SERPINE2: variants seen among roughly 807,000 people sequenced by gnomAD.
SERPINE2 encodes the protein serpin family E member 2.
SERPINE2 carries 14 observed loss-of-function variants against 36.3 expected under a neutral mutation model. The observed-to-expected ratio is 0.39, with a 90% CI of 0.25 to 0.60. SERPINE2 has a LOEUF of 0.60. SERPINE2 is among the 20% of genes least tolerant of loss of function. The probability of loss-of-function intolerance (pLI) is 0.57; values close to 1 mark genes in which losing one functional copy is unlikely to be tolerated. For missense variants in SERPINE2, 418 were observed against 499.6 expected (o/e 0.84, Z 1.56); for synonymous variants, 192 against 191.8 (o/e 1.00, Z -0.01).
chr2:223,985,300 CTTTT>C (rs35920706), intron 4 of SERPINE2, among the ~76,000 whole-genome samples: 34 of 145,878 alleles, frequency 2.3e-4, no homozygotes, highest in Non-Finnish European at 2.9e-4. Flanking sequence ...AGAATCATTC[CTTTT>C]TTTTTTTTTT....
intron 1 of SERPINE2, chr2:224,038,543 C>CA: frequency 6.5e-7 from 1 of 1,549,032 alleles, no homozygotes; most frequent in Non-Finnish European, 8.7e-7. Flanking sequence ...ATGAAAATAG[C>CA]AAAGACCTGC....
In SERPINE2 at chr2:223,991,932, C is replaced by A. The variant is rs1048080122; in HGVS notation, c.556G>T (p.Ala186Ser). 1.2e-6 allele frequency: 2 copies of A among 1,613,020 alleles called. No individual in the cohort carries two copies. Among genetic ancestry groups the A allele is most frequent in the African/African-American group, 1.3e-5 (1 of 74,872 alleles). The change falls in exon 4 of 9, where the codon GCA becomes TCA. Residue 186 changes from alanine to serine, a missense_variant. Ala to Ser is a moderately conservative substitution (Grantham distance 99). Transcript: ENST00000409304. ...TTCCACAGACCCTTGAAATACACTG[C>A]GTTGACGAGGACCAGTCTGGTGAGC... ...GVLTRLVLVN[A>S]VYFKGLWKSR...
rs729631 is a variant in SERPINE2, at chr2:223,980,202, C to T, written c.1072+109G>A. 15 of 887,266 alleles carry T rather than the reference C, an allele frequency of 1.7e-5. No individual in the cohort carries two copies. In the South Asian group the frequency reaches 2.2e-4, roughly 13 times the overall value. 55.0% of individuals were successfully genotyped at this position (887,266 alleles called of 1,614,324 possible). A position where few individuals can be genotyped will look rare whatever the true frequency, so the allele number is the denominator to read the frequency against. Reference sequence around the variant, plus strand: ...TCTCCTGAGGGTTAACCCACACACACTGCCTGGCTGGAAAGAGGGTGCATT... The same window carrying T: ...TCTCCTGAGGGTTAACCCACACACATTGCCTGGCTGGAAAGAGGGTGCATT... On this transcript the variant is annotated intron_variant, in intron 7 of 8. Transcript: ENST00000409304.
chr2:223,984,465 C>A (rs1250319401), intron 5 of SERPINE2, among the ~76,000 whole-genome samples: 1 of 152,154 alleles, frequency 6.6e-6, no homozygotes, highest in African/African-American at 2.4e-5. Context: ...TGAGATATGT[C>A]AAAAAGCCCC....
chr2:223,977,505 C>G (rs576592380), intron 8 of SERPINE2, 39 bp downstream of exon 8: 1 of 1,333,034 alleles, frequency 7.5e-7, no homozygotes, highest in African/African-American at 1.4e-5. Context: ...TTTTGAAATT[C>G]TAACAGAGAG....
intron 1 of SERPINE2, among the ~76,000 whole-genome samples, chr2:224,036,302 GA>G (rs199763547): frequency 0.067 from 9,934 of 148,882 alleles, 470 homozygotes; most frequent in South Asian, 0.11. Flanking sequence ...TGCCAGGGAG[GA>G]ATAAGGAAAA....
intron 1 of SERPINE2, chr2:224,010,404 A>G: frequency 5.1e-6 from 5 of 979,418 alleles, no homozygotes; most frequent in Non-Finnish European, 6.1e-6. Context: ...GAAAAGACAC[A>G]TATTTTATTA....
intron 1 of SERPINE2, among the ~76,000 whole-genome samples, chr2:224,004,723 A>G (rs1353652250): frequency 6.6e-6 from 1 of 152,020 alleles, no homozygotes; most frequent in African/African-American, 2.4e-5. Context: ...CAAAGTCATC[A>G]TAAGTATAAA....
intron 1 of SERPINE2, among the ~76,000 whole-genome samples, chr2:224,027,504 T>G (rs1302174521): frequency 6.6e-6 from 1 of 152,152 alleles, no homozygotes; most frequent in East Asian, 1.9e-4. Context: ...AACATGTCAC[T>G]GGTATCAACT....
At chr2:224,022,319 G>A (rs1692032563) in intron 1 of SERPINE2, among the ~76,000 whole-genome samples, 1 of 129,904 alleles carries the variant, frequency 7.7e-6, no homozygotes, top group Non-Finnish European at 1.6e-5. Context: ...GTGATAGAGT[G>A]AGACCCTGTC....
At chr2:224,009,699 A>AG (rs1272850807) in intron 1 of SERPINE2, among the ~76,000 whole-genome samples, 1 of 151,868 alleles carries the variant, frequency 6.6e-6, no homozygotes, top group Non-Finnish European at 1.5e-5. Context: ...TGTCTCAAAA[A>AG]AAAAACAACA....
intron 5 of SERPINE2, among the ~76,000 whole-genome samples, chr2:223,983,012 G>A (rs1046143486): frequency 6.6e-6 from 1 of 152,178 alleles, no homozygotes; most frequent in Non-Finnish European, 1.5e-5. Flanking sequence ...AAGAATAGGC[G>A]CTCCCACCCT....
intron 1 of SERPINE2, among the ~76,000 whole-genome samples, chr2:224,033,687 A>G (rs1692449608): frequency 6.6e-6 from 1 of 150,648 alleles, no homozygotes; most frequent in Admixed American, 6.6e-5. Flanking sequence ...AGTCACCAAG[A>G]GGTCATATAT....
intron 1 of SERPINE2, chr2:224,030,239 T>G: frequency 1.0e-6 from 1 of 985,174 alleles, no homozygotes; most frequent in Non-Finnish European, 1.2e-6. Context: ...AGGTGATCAT[T>G]GGGGAGTACT....
intron 1 of SERPINE2, among the ~76,000 whole-genome samples, chr2:224,016,538 T>C (rs1018369437): frequency 1.3e-4 from 20 of 152,168 alleles, no homozygotes; most frequent in Admixed American, 5.2e-4. Context: ...TGGTAGTTTC[T>C]GTTTATTATT....
chr2:224,001,691 G>A lies in SERPINE2; in HGVS notation c.210C>T (p.Asp70=), dbSNP rs760828083. ...TGGCGAGCTGCTTCTTGGTCCTGCC[G>A]TCCGCCCCCAGCTGAAGCATCCCCA... The part of the protein sequence containing the change: ...SVLGMLQLGA[D]GRTKKQLAMV... The change falls in exon 2 of 9, where the codon GAC becomes GAT. Residue 70 remains aspartate, a synonymous_variant. Transcript: ENST00000409304. The A allele has an allele frequency of 2.0e-5, 33 of 1,613,990 alleles. No individual in the cohort carries two copies. Among genetic ancestry groups the A allele is most frequent in the Admixed American group, 6.7e-5 (4 of 60,002 alleles).
chr2:224,006,514 T>C (rs1691430112), intron 1 of SERPINE2, among the ~76,000 whole-genome samples: 1 of 152,214 alleles, frequency 6.6e-6, no homozygotes, highest in Admixed American at 6.5e-5. Context: ...CTTCTTTGAA[T>C]TCCTATAGCA....
At chr2:223,998,392 A>C (rs1690980562) in intron 2 of SERPINE2, 50 bp from the exon 3 acceptor site, 1 of 1,454,130 alleles carries the variant, frequency 6.9e-7, no homozygotes, top group Non-Finnish European at 9.6e-7. Context: ...GAATCTAGAA[A>C]AGTTTTTAAA....
At chr2:224,008,164 G>C (rs994683484) in intron 1 of SERPINE2, among the ~76,000 whole-genome samples, 5 of 152,196 alleles carry the variant, frequency 3.3e-5, no homozygotes, top group Admixed American at 6.5e-5. Context: ...TGCCGTAGAG[G>C]GTGGTGAAAT....
Sources: gnomAD v4.1 joint callset for allele counts (sites outside exome capture counted in the v4.1 genomes callset) on GRCh38, gnomAD v4.1.1 for gene constraint, MANE v1.5 for transcripts, NCBI Gene and HGNC (gene_info 2026-07-23, HGNC 2026-07-21) for gene names.